Variants in MGAT4C observed in about 807,000 individuals in gnomAD.
MGAT4C encodes the protein MGAT4 family member C.
MGAT4C carries 19 observed loss-of-function variants against 40.1 expected under a neutral mutation model. The ratio of observed to expected loss-of-function variants is 0.47; its 90% CI spans 0.33 to 0.70. The LOEUF (loss-of-function observed/expected upper bound fraction) is 0.70, where lower values mean the gene tolerates loss of function less well. Among genes scored for constraint, MGAT4C ranks in the 30% least tolerant of loss-of-function variants. The pLI is 0.02. For synonymous variants in MGAT4C, 181 were observed against 187.1 expected (o/e 0.97, Z 0.27); for missense variants, 491 against 563.2 (o/e 0.87, Z 1.30).
At chr12:86,032,310 C>T (rs2136908553) in intron 2 of MGAT4C, among the ~76,000 whole-genome samples, 1 of 151,760 alleles carries the variant, frequency 6.6e-6, no homozygotes, top group East Asian at 1.9e-4. Flanking sequence ...GGTAGAATTA[C>T]CATTTTGAGA....
chr12:86,167,420 T>A (rs1342800675), intron 1 of MGAT4C, among the ~76,000 whole-genome samples: 3 of 152,200 alleles, frequency 2.0e-5, no homozygotes, highest in African/African-American at 7.2e-5. Flanking sequence ...TAGTTTAAAC[T>A]AAATAGAGAA....
chr12:86,148,604 A>C (rs1883861097), intron 1 of MGAT4C, among the ~76,000 whole-genome samples: 1 of 152,248 alleles, frequency 6.6e-6, no homozygotes, highest in Non-Finnish European at 1.5e-5. Flanking sequence ...GCAACTGAAC[A>C]GAAAGAGGAG....
chr12:86,145,173 C>T (rs1267332756), intron 1 of MGAT4C, among the ~76,000 whole-genome samples: 3 of 152,138 alleles, frequency 2.0e-5, no homozygotes, highest in Non-Finnish European at 4.4e-5. Flanking sequence ...CTATCCACCT[C>T]TAGCTTCTGA....
intron 4 of MGAT4C, among the ~76,000 whole-genome samples, chr12:86,267,342 C>T (rs757431486): frequency 1.3e-5 from 2 of 152,068 alleles, no homozygotes; most frequent in Admixed American, 1.3e-4. Context: ...ACAAGCAACA[C>T]TCAAAGGTAT....
intron 1 of MGAT4C, among the ~76,000 whole-genome samples, chr12:86,083,458 T>A (rs1871217988): frequency 6.6e-6 from 1 of 152,098 alleles, no homozygotes; most frequent in Admixed American, 6.6e-5. Flanking sequence ...TTCTGTATGA[T>A]CTGTCTGCCC....
chr12:86,060,143 T>A (rs1592812918), intron 1 of MGAT4C, among the ~76,000 whole-genome samples: 1 of 152,140 alleles, frequency 6.6e-6, no homozygotes, highest in African/African-American at 2.4e-5. Context: ...GACAGATCTA[T>A]TTATAGGTCA....
intron 1 of MGAT4C, among the ~76,000 whole-genome samples, chr12:86,120,336 C>A (rs1566011748): frequency 2.0e-5 from 3 of 152,114 alleles, no homozygotes; most frequent in African/African-American, 7.2e-5. Context: ...GAACAAAAGG[C>A]AGCAGAAACT....
At chr12:86,685,445 A>G (rs2136587184) in intron 2 of MGAT4C, among the ~76,000 whole-genome samples, 1 of 152,266 alleles carries the variant, frequency 6.6e-6, no homozygotes, top group Non-Finnish European at 1.5e-5. Flanking sequence ...GTAGCCTTGT[A>G]GTATAGTTTG....
intron 2 of MGAT4C, among the ~76,000 whole-genome samples, chr12:86,605,715 A>C (rs903460169): frequency 2.0e-5 from 3 of 152,142 alleles, no homozygotes; most frequent in Non-Finnish European, 2.9e-5. Flanking sequence ...ATTTTGAGTG[A>C]AACTGTGTAG....
At chr12:86,072,996 C>A (rs1868874268) in intron 1 of MGAT4C, among the ~76,000 whole-genome samples, 1 of 151,928 alleles carries the variant, frequency 6.6e-6, no homozygotes, top group South Asian at 2.1e-4. Context: ...TACTCCAAAA[C>A]AAGTGATATG....
intron 3 of MGAT4C, among the ~76,000 whole-genome samples, chr12:86,408,081 GAC>G (rs150515619): frequency 7.9e-5 from 12 of 150,998 alleles, no homozygotes; most frequent in African/African-American, 1.2e-4. Flanking sequence ...ATGGTATCAA[GAC>G]ACACACACAC....
At position 86,003,184 on chromosome 12, in the gene MGAT4C, A is replaced by G. The variant is rs746363952; in HGVS notation, c.-6-13632T>C. Among the ~76,000 whole-genome samples the G allele has an allele frequency of 9.9e-5, 15 of 152,212 alleles. 1 individual carries two copies. Among genetic ancestry groups the G allele is most frequent in the African/African-American group, 3.6e-4 (15 of 41,466 alleles). ...AATATTTCTAAAACTCTCAGAAACT[A>G]ATTCAAATGCTTTTCAAATTCACAT... is the stretch of plus-strand genomic sequence containing the variant. On this transcript the variant is annotated intron_variant, in intron 2 of 4. Coordinates refer to ENST00000611864, the MANE Select transcript of MGAT4C (RefSeq NM_001351288.2).
intron 2 of MGAT4C, among the ~76,000 whole-genome samples, chr12:86,493,587 A>G (rs1958179566): frequency 6.6e-6 from 1 of 151,562 alleles, no homozygotes; most frequent in Admixed American, 6.6e-5. Context: ...CATAGGTGGG[A>G]ATTGAACAAT....
At chr12:86,403,058 T>A (rs1445923994) in intron 3 of MGAT4C, among the ~76,000 whole-genome samples, 1 of 152,188 alleles carries the variant, frequency 6.6e-6, no homozygotes, top group African/African-American at 2.4e-5. Context: ...ATATTGGCCA[T>A]GACTATCAAA....
chr12:85,997,003 T>C lies in MGAT4C; in HGVS notation c.-6-7451A>G, dbSNP rs187938024. ...ACCCAACAATAGCAGTGTATAAATC[T>C]GTTTTCATGCTGCTGATAAAGATAT... On this transcript the variant is annotated intron_variant, in intron 2 of 4. Coordinates refer to ENST00000611864, the MANE Select transcript of MGAT4C (RefSeq NM_001351288.2). Among the ~76,000 whole-genome samples the C allele has an allele frequency of 2.6e-5, 4 of 152,324 alleles. No individual in the cohort carries two copies. The East Asian group carries it at 5.8e-4, about 22-fold the overall frequency.
intron 2 of MGAT4C, among the ~76,000 whole-genome samples, chr12:86,014,942 C>T (rs991157923): frequency 4.0e-5 from 6 of 150,858 alleles, no homozygotes; most frequent in South Asian, 2.1e-4. Flanking sequence ...CCACCATACC[C>T]GGCTAATTTT....
chr12:86,163,022 G>A (rs1382889798), intron 1 of MGAT4C, among the ~76,000 whole-genome samples: 1 of 151,962 alleles, frequency 6.6e-6, no homozygotes, highest in South Asian at 2.1e-4. Flanking sequence ...AGTAAGTCTG[G>A]GATGGGCCCT....
intron 4 of MGAT4C, among the ~76,000 whole-genome samples, chr12:86,328,292 AC>A (rs1954574211): frequency 6.6e-6 from 1 of 152,182 alleles, no homozygotes; most frequent in Non-Finnish European, 1.5e-5. Context: ...ATCAATTATT[AC>A]CACTGTGATT....
At chr12:85,980,950 C>A (rs1198404209) in intron 4 of MGAT4C, among the ~76,000 whole-genome samples, 1 of 152,070 alleles carries the variant, frequency 6.6e-6, no homozygotes, top group Middle Eastern at 3.4e-3. Context: ...TTTTATAGAA[C>A]ACATCACATA....
Sources: allele counts gnomAD v4.1 joint callset (sites outside exome capture counted in the v4.1 genomes callset), GRCh38; gene constraint gnomAD v4.1.1; transcripts MANE v1.5; gene names NCBI Gene and HGNC (gene_info 2026-07-23, HGNC 2026-07-21).